The following MYO10 variants were observed in gnomAD, a reference collection of about 807,000 sequenced individuals.
The protein encoded by MYO10 is unconventional myosin-X.
Under a neutral mutation model 257.3 loss-of-function variants are expected in MYO10, and 133 were observed. The ratio of observed to expected loss-of-function variants is 0.52; its 90% confidence interval spans 0.45 to 0.60. The LOEUF (loss-of-function observed/expected upper bound fraction) is 0.60. Among genes scored for constraint, MYO10 ranks in the 20% least tolerant of loss-of-function variants. The pLI is 0.00. For missense variants in MYO10, 2,399 were observed against 2,635.7 expected (o/e 0.91, Z 1.97); for synonymous variants, 1,104 against 1,028.6 (o/e 1.07, Z -1.40).
chr5:16,870,943 T>A (rs1744441582), intron 2 of MYO10, among the ~76,000 whole-genome samples: 1 of 152,162 alleles, frequency 6.6e-6, no homozygotes, highest in Non-Finnish European at 1.5e-5. Context: ...ATAGACAAAT[T>A]GTCATTTGAC....
rs1329607442 is a variant in MYO10, at chr5:16,701,012, T to C, written c.3383A>G (p.Tyr1128Cys). 2 of 1,561,872 alleles carry C rather than the reference T, an allele frequency of 1.3e-6. No homozygotes were observed. Among genetic ancestry groups the C allele is most frequent in the East Asian group, 2.4e-5 (1 of 41,610 alleles). Residue 1128 changes from tyrosine (Y) to cysteine (C), a missense_variant, in exon 25 of 41, where the codon TAC becomes TGC. By Grantham distance (194) the Tyr-to-Cys change is radical. Around this residue, in one of 3 missense-constraint regions of MYO10, gnomAD observed 1,820 missense variants for 1,939.4 expected, o/e 0.94. Coordinates refer to ENST00000513610, the MANE Select transcript of MYO10 (RefSeq NM_012334.3). The surrounding 1 kb of genome is among the most constrained non-coding windows in gnomAD (Gnocchi z 8.1). ...GAACCGGTAGGCACCCGAGCTGTTGTAGGTCCCCACAGAGCAGCGGTAGTC... is the reference window on the plus strand; with the variant it reads ...GAACCGGTAGGCACCCGAGCTGTTGCAGGTCCCCACAGAGCAGCGGTAGTC... Reference protein sequence around the residue: ...SPDYRCSVGTYNSSGAYRFSS... With the variant: ...SPDYRCSVGTCNSSGAYRFSS...
Position 16,701,312 on chromosome 5 carries a change from T to G in MYO10, c.3083A>C (p.Asp1028Ala). ...CATGTATGGGTCCTCCTCTGAAGAG[T>G]CATCGCTGGTCCGGATGCCACTTGT... ...QRTSGIRTSD[D>A]SSEEDPYMND... The change falls in exon 25 of 41, where the codon GAC becomes GCC. Residue 1028 changes from aspartate to alanine, a missense_variant. Coordinates refer to ENST00000513610, the MANE Select transcript of MYO10 (RefSeq NM_012334.3). The surrounding 1 kb of genome is among the most constrained non-coding windows in gnomAD (Gnocchi z 8.1). The G allele has an allele frequency of 1.2e-6, 2 of 1,613,562 alleles. No individual in the cohort carries two copies. Among genetic ancestry groups the G allele is most frequent in the Non-Finnish European group, 1.7e-6 (2 of 1,179,732 alleles).
At chr5:16,788,754 G>T (rs1741666395) in intron 4 of MYO10, among the ~76,000 whole-genome samples, 1 of 152,074 alleles carries the variant, frequency 6.6e-6, no homozygotes. Context: ...GGAGAGCCAG[G>T]AAGAAATATA....
intron 26 of MYO10, among the ~76,000 whole-genome samples, chr5:16,697,856 A>C (rs1172622801): frequency 6.6e-6 from 1 of 152,140 alleles, no homozygotes; most frequent in Non-Finnish European, 1.5e-5. Context: ...CTGGGGAGGA[A>C]GGTTCTCATA....
chr5:16,898,056 C>A (rs1745263590), intron 1 of MYO10, among the ~76,000 whole-genome samples: 1 of 152,022 alleles, frequency 6.6e-6, no homozygotes, highest in Admixed American at 6.6e-5. Flanking sequence ...GCACTGCTGG[C>A]AGGTAGGAGG....
chr5:16,701,015 G>A lies in MYO10; in HGVS notation c.3380C>T (p.Thr1127Ile), dbSNP rs568532110. The change falls in exon 25 of 41, where the codon ACC (threonine) becomes ATC (isoleucine). Residue 1127 changes from threonine (T) to isoleucine (I), a missense_variant. By Grantham distance (89) the Thr-to-Ile change is moderately conservative. This residue lies in a region of MYO10 where 1,820 missense variants were observed against 1,939.4 expected (regional missense o/e 0.94). Transcript: ENST00000513610. This position sits in a 1 kb window ranked among gnomAD's most constrained non-coding sequence, Gnocchi z 8.1. ...CCGGTAGGCACCCGAGCTGTTGTAGGTCCCCACAGAGCAGCGGTAGTCGGG... is the reference window on the plus strand; with the variant it reads ...CCGGTAGGCACCCGAGCTGTTGTAGATCCCCACAGAGCAGCGGTAGTCGGG... ...WSPDYRCSVGTYNSSGAYRFS... is the reference protein window; with the variant it reads ...WSPDYRCSVGIYNSSGAYRFS... 1.9e-6 allele frequency: 3 copies of A among 1,562,086 alleles called. No homozygotes were observed. Among genetic ancestry groups the A allele is most frequent in the Admixed American group, 1.9e-5 (1 of 52,128 alleles).
chr5:16,894,309 T>C (rs899396273), intron 1 of MYO10, among the ~76,000 whole-genome samples: 2 of 152,152 alleles, frequency 1.3e-5, no homozygotes, highest in African/African-American at 4.8e-5. Flanking sequence ...AGGTATTCTG[T>C]GAAACATCCC....
Position 16,718,777 on chromosome 5 carries a change from A to G in MYO10, c.1930-7532T>C, listed in dbSNP as rs181415785. ...CAATCGGCACCCTGTGTTTAGCTCA[A>G]GGTTTGTGAGTACACCAATCAACAC... is the stretch of plus-strand genomic sequence containing the variant. On this transcript the variant is annotated intron_variant, in intron 19 of 40. Transcript: ENST00000513610. 1.3e-3 allele frequency among the ~76,000 whole-genome samples: 202 copies of G among 152,084 alleles called. 1 individual carries two copies. Among genetic ancestry groups the G allele is most frequent in the African/African-American group, 4.4e-3 (183 of 41,454 alleles).
At chr5:16,666,858 A>G (rs1736196211) in intron 40 of MYO10, 65 bp from the exon 41 acceptor site, 1 of 1,312,332 alleles carries the variant, frequency 7.6e-7, no homozygotes, top group Admixed American at 2.0e-5. Context: ...GGCCCTGCCT[A>G]ATAATCCAGA....
intron 19 of MYO10, among the ~76,000 whole-genome samples, chr5:16,753,465 C>A (rs973372325): frequency 2.2e-5 from 3 of 137,224 alleles, no homozygotes. Context: ...CCGTGCCCGG[C>A]CTTTTTTTTT....
intron 2 of MYO10, among the ~76,000 whole-genome samples, chr5:16,852,799 GCC>G (rs548266046): frequency 6.6e-6 from 1 of 152,016 alleles, no homozygotes; most frequent in South Asian, 2.1e-4. Flanking sequence ...GTCCTTTCCT[GCC>G]CCCAAATTCC....
At chr5:16,791,491 C>T (rs912811990) in intron 4 of MYO10, among the ~76,000 whole-genome samples, 3 of 152,114 alleles carry the variant, frequency 2.0e-5, no homozygotes, top group African/African-American at 7.2e-5. Flanking sequence ...CCCCTCTCCC[C>T]CTTATTTTTA....
intron 1 of MYO10, among the ~76,000 whole-genome samples, chr5:16,908,378 A>T (rs544917599): frequency 2.6e-5 from 4 of 152,138 alleles, no homozygotes; most frequent in African/African-American, 9.6e-5. Context: ...AAATACAAAA[A>T]TTAGCTGGGT....
intron 2 of MYO10, among the ~76,000 whole-genome samples, chr5:16,829,792 C>T (rs766876483): frequency 6.6e-6 from 1 of 152,112 alleles, no homozygotes; most frequent in South Asian, 2.1e-4. Context: ...ACCAGAAAGG[C>T]CTCGGTGATA....
In MYO10 at chr5:16,710,983, G is replaced by A. The variant is rs757991745; in HGVS notation, c.2094C>T (p.Asp698=). ...GCAGGCTCGTGCACTTCCCTCGGAC[G>A]TCCTCAGGCAGAGCCAGATTCCTCA... ...VLMRNLALPE[D]VRGKCTSLLQ... The change falls in exon 21 of 41, where the codon GAC becomes GAT. Residue 698 remains aspartate, a synonymous_variant. Coordinates refer to ENST00000513610, the MANE Select transcript of MYO10 (RefSeq NM_012334.3). The A allele has an allele frequency of 2.2e-5, 35 of 1,613,812 alleles. 1 individual carries two copies. The highest frequency in any genetic ancestry group is 2.0e-4 in the South Asian group (18 of 91,050).
At chr5:16,862,730 G>A (rs1332774210) in intron 2 of MYO10, among the ~76,000 whole-genome samples, 1 of 151,990 alleles carries the variant, frequency 6.6e-6, no homozygotes, top group East Asian at 1.9e-4. Context: ...GTATTCACAG[G>A]GACCAAAAAT....
chr5:16,826,245 C>A (rs1178374909), intron 2 of MYO10, among the ~76,000 whole-genome samples: 2 of 152,072 alleles, frequency 1.3e-5, no homozygotes, highest in Non-Finnish European at 1.5e-5. Context: ...CTGGATTGAC[C>A]TCTCCTAGAT....
At chr5:16,804,182 GA>G (rs1409986545) in intron 3 of MYO10, among the ~76,000 whole-genome samples, 1 of 152,168 alleles carries the variant, frequency 6.6e-6, no homozygotes, top group Non-Finnish European at 1.5e-5. Context: ...CACCATGGCT[GA>G]CGTCTCCTTG....
chr5:16,778,856 A>G (rs1741314661), intron 9 of MYO10, among the ~76,000 whole-genome samples: 1 of 151,786 alleles, frequency 6.6e-6, no homozygotes, highest in African/African-American at 2.4e-5. Context: ...ACGCCCGGCT[A>G]ATTGTTTGTA....
Sources: gnomAD v4.1 joint callset for allele counts (sites outside exome capture counted in the v4.1 genomes callset) on GRCh38, gnomAD v4.1.1 for gene constraint, gnomAD v4.1.1 regional missense constraint, Gnocchi (gnomAD v3.1) non-coding constraint, MANE v1.5 for transcripts, NCBI Gene and HGNC (gene_info 2026-07-23, HGNC 2026-07-21) for gene names.